CDH11: variants seen among roughly 807,000 people sequenced by gnomAD.
The protein encoded by CDH11 is cadherin 11.
Under a neutral mutation model 67.8 loss-of-function variants are expected in CDH11, and 11 were observed. The observed-to-expected ratio is 0.16, with a 90% CI of 0.10 to 0.27. The LOEUF is 0.27. Among genes scored for constraint, CDH11 ranks in the 10% least tolerant of loss-of-function variants. CDH11 has a pLI of 1.00. For missense variants in CDH11, 847 were observed against 1,031.2 expected, an observed-to-expected ratio of 0.82 and a Z score of 2.45; for synonymous variants, 419 against 400.0, an observed-to-expected ratio of 1.05 and a Z score of -0.57.
rs57316241 is a variant in CDH11, at chr16:65,110,624, ATGTGTGTGTGTGTGTGTGTGTGTG to A, written c.-298+11232_-298+11255del. On this transcript the variant is annotated intron_variant, in intron 1 of 12. Transcript: ENST00000268603. ...CAGAATGAGTTATCCATGGCCAATG[ATGTGTGTGTGTGTGTGTGTGTGTG>A]TGTGTGTGTGTGTGTGTGTGTGTGT... is the stretch of plus-strand genomic sequence containing the variant. Among the ~76,000 whole-genome samples, 971 of 135,920 alleles carry A rather than the reference ATGTGTGTGTGTGTGTGTGTGTGTG, an allele frequency of 7.1e-3. 15 individuals are homozygous for A. The highest frequency in any genetic ancestry group is 0.025 in the African/African-American group (917 of 36,002). The allele number at this position is 135,920 out of a possible 152,430, so 89.2% of individuals were successfully genotyped here.
chr16:65,034,870 C>A (rs570880194), intron 2 of CDH11, among the ~76,000 whole-genome samples: 1 of 152,188 alleles, frequency 6.6e-6, no homozygotes, highest in Admixed American at 6.5e-5. Flanking sequence ...AGGGACATGG[C>A]CAGGAATTCA....
At chr16:65,020,353 A>G (rs2073397120) in intron 2 of CDH11, among the ~76,000 whole-genome samples, 1 of 152,220 alleles carries the variant, frequency 6.6e-6, no homozygotes, top group Non-Finnish European at 1.5e-5. Context: ...TTTATTAAAC[A>G]TAGTCTCACT....
At chr16:64,999,958 G>T (rs938837285) in intron 3 of CDH11, among the ~76,000 whole-genome samples, 1 of 152,098 alleles carries the variant, frequency 6.6e-6, no homozygotes, top group African/African-American at 2.4e-5. Context: ...CCTGCTTTGC[G>T]GTACACAGGG....
chr16:65,113,744 A>G (rs2075198495), intron 1 of CDH11, among the ~76,000 whole-genome samples: 1 of 152,174 alleles, frequency 6.6e-6, no homozygotes, highest in South Asian at 2.1e-4. Context: ...AAGCTTCAGC[A>G]TCTGATGCTT....
intron 2 of CDH11, among the ~76,000 whole-genome samples, chr16:65,035,077 C>T (rs775115189): frequency 1.3e-5 from 2 of 152,160 alleles, no homozygotes; most frequent in African/African-American, 2.4e-5. Context: ...GGGAGCTGCA[C>T]GGGCAGTGAC....
At chr16:65,053,610 A>G (rs1020915314) in intron 2 of CDH11, among the ~76,000 whole-genome samples, 194 bp downstream of exon 2, 11 of 152,340 alleles carry the variant, frequency 7.2e-5, no homozygotes, top group Non-Finnish European at 7.4e-5. Flanking sequence ...AAGAGAATCC[A>G]ATAACATCAA....
intron 12 of CDH11, 134 bp from the exon 13 acceptor site, chr16:64,948,233 C>A: frequency 1.7e-6 from 2 of 1,181,864 alleles, no homozygotes; most frequent in Non-Finnish European, 2.3e-6. Context: ...GAAATGAGAG[C>A]TTTGCCTGGA....
chr16:65,062,917 T>G (rs1469307982), intron 1 of CDH11, among the ~76,000 whole-genome samples: 1 of 152,202 alleles, frequency 6.6e-6, no homozygotes, highest in African/African-American at 2.4e-5. Flanking sequence ...GGGGCTGACG[T>G]GAGCCAGGGA....
At chr16:64,985,835 G>T (rs775284801) in intron 7 of CDH11, 1 of 150,094 alleles carries the variant, frequency 6.7e-6, no homozygotes, top group South Asian at 2.2e-4. Flanking sequence ...GAATTATCCA[G>T]CCCTAGACAT....
At chr16:64,978,852 T>C (rs2072249937) in intron 8 of CDH11, among the ~76,000 whole-genome samples, 2 of 151,868 alleles carry the variant, frequency 1.3e-5, no homozygotes, top group Non-Finnish European at 2.9e-5. Flanking sequence ...AATGTGTAAA[T>C]CATTCATGAC....
chr16:65,011,243 C>T (rs2073179301), intron 2 of CDH11, among the ~76,000 whole-genome samples: 1 of 151,792 alleles, frequency 6.6e-6, no homozygotes, highest in South Asian at 2.1e-4. Context: ...TGCAAGTTTA[C>T]AGGACTGCAG....
At chr16:65,020,238 A>G (rs2073395004) in intron 2 of CDH11, among the ~76,000 whole-genome samples, 1 of 152,248 alleles carries the variant, frequency 6.6e-6, no homozygotes, top group African/African-American at 2.4e-5. Flanking sequence ...AAGACAATGA[A>G]GCAGTTAATG....
At chr16:65,093,921 C>G (rs2074838205) in intron 1 of CDH11, among the ~76,000 whole-genome samples, 1 of 152,060 alleles carries the variant, frequency 6.6e-6, no homozygotes, top group South Asian at 2.1e-4. Context: ...ATATTAGAAC[C>G]AACTCTGCCT....
In CDH11 at chr16:65,085,958, A is replaced by G. The variant is rs141119118; in HGVS notation, c.-297-32030T>C. Among the ~76,000 whole-genome samples, 365 of 152,362 alleles carry G rather than the reference A, an allele frequency of 2.4e-3. 2 individuals are homozygous for G. The highest frequency in any genetic ancestry group is 8.1e-3 in the African/African-American group (337 of 41,588). On this transcript the variant is annotated intron_variant, in intron 1 of 12. Transcript: ENST00000268603. ...TTCACAGCTGGTAAATGTCAAAACC[A>G]AGATTCAACTCAACTAGCTTTAACT...
chr16:64,965,205 C>CAAAAAAAAAAAA (rs71143537), intron 11 of CDH11, among the ~76,000 whole-genome samples: 1 of 56,958 alleles, frequency 1.8e-5, no homozygotes, highest in Non-Finnish European at 2.8e-5. Flanking sequence ...CTAAAAATAC[C>CAAAAAAAAAAAA]AAAAAAAAAA....
intron 1 of CDH11, among the ~76,000 whole-genome samples, chr16:65,108,015 G>A (rs1377035158): frequency 6.6e-6 from 1 of 152,140 alleles, no homozygotes; most frequent in Non-Finnish European, 1.5e-5. Flanking sequence ...CCACAAACTT[G>A]CTGACAGGTG....
rs1010632191 is a variant in CDH11 at position 65,005,050 on chromosome 16, A to G, written c.-172-9T>C. On this transcript the variant is annotated splice_polypyrimidine_tract_variant and intron_variant, in intron 2 of 12. Transcript: ENST00000268603. ...ACGTCCCCAGTTAGCTTCTGCAAGC[A>G]GAGAGAGGTTGGATTAACTGCAGGC... 17 of 1,341,762 alleles carry G rather than the reference A, an allele frequency of 1.3e-5. No individual in the cohort carries two copies. The highest frequency in any genetic ancestry group is 1.6e-5 in the Non-Finnish European group (17 of 1,049,042). The allele number at this position is 1,341,762 out of a possible 1,614,324, so 83.1% of individuals were successfully genotyped here.
intron 4 of CDH11, among the ~76,000 whole-genome samples, chr16:64,994,129 A>G (rs2072706496): frequency 6.6e-6 from 1 of 152,110 alleles, no homozygotes. Context: ...CCTTTAATTT[A>G]TAGGATTGTC....
chr16:65,046,672 C>T (rs1163149174), intron 2 of CDH11, among the ~76,000 whole-genome samples: 1 of 152,122 alleles, frequency 6.6e-6, no homozygotes, highest in South Asian at 2.1e-4. Flanking sequence ...AATTCAGTGT[C>T]TCCTGATGAA....
Sources: gnomAD v4.1 joint callset for allele counts (sites outside exome capture counted in the v4.1 genomes callset) on GRCh38, gnomAD v4.1.1 for gene constraint, MANE v1.5 for transcripts, NCBI Gene and HGNC (gene_info 2026-07-23, HGNC 2026-07-21) for gene names.